The following COL1A1 variants were observed in gnomAD, a reference collection of about 807,000 sequenced individuals.
COL1A1 encodes the protein collagen alpha-1(I) chain.
In COL1A1, 21 loss-of-function variants were observed where a neutral mutation model predicts 195.7. That is an observed-to-expected ratio of 0.11 (90% CI 0.08 to 0.15). The LOEUF is 0.15. Among genes scored for constraint, COL1A1 ranks in the 10% least tolerant of loss-of-function variants. The pLI is 1.00. For missense variants in COL1A1, 1,365 were observed against 2,051.0 expected (o/e 0.67, Z 6.46); for synonymous variants, 749 against 747.3 (o/e 1.00, Z -0.04).
Position 50,194,802 on chromosome 17 carries a change from A to T in COL1A1, c.1380T>A (p.Pro460=), listed in dbSNP as rs1237735571. The change falls in exon 21 of 51, where the codon CCT becomes CCA. Residue 460 remains proline, a synonymous_variant. Transcript: ENST00000225964. This position sits in a 1 kb window ranked among gnomAD's most constrained non-coding sequence, Gnocchi z 6.8. ...GCTTTCCTTCCTCTCCAGCAGGGCC[A>T]GGGGGTCCTTGAACACCAACAGGGC... ...EPGPVGVQGP[P]GPAGEEGKRG... The T allele has an allele frequency of 9.5e-6, 15 of 1,571,072 alleles. No individual in the cohort carries two copies. The highest frequency in any genetic ancestry group is 1.8e-5 in the Admixed American group (1 of 54,058).
rs1031926243 is a variant in COL1A1, at chr17:50,185,199, G to A, written c.*303C>T. ...AACGGGCAGAAAGGGACTTACCCCCGCATGGGTCTTCAAGCAAGTGGACCA... is the reference window on the plus strand; with the variant it reads ...AACGGGCAGAAAGGGACTTACCCCCACATGGGTCTTCAAGCAAGTGGACCA... On this transcript the variant is annotated 3_prime_UTR_variant, in exon 51 of 51. Coordinates refer to ENST00000225964, the MANE Select transcript of COL1A1 (RefSeq NM_000088.4). 4.3e-5 allele frequency: 17 copies of A among 391,370 alleles called. 1 individual carries two copies. Among genetic ancestry groups the A allele is most frequent in the East Asian group, 2.3e-4 (5 of 22,212 alleles). The allele number at this position is 391,370 out of a possible 1,614,324, so 24.2% of individuals were successfully genotyped here.
rs1176014769 is a variant in COL1A1 at position 50,198,430 on chromosome 17, C to T, written c.543+3G>A. ...GTCATCCATGCTCCCCCTGCTGGCT[C>T]ACCATGGGGCCAGGCACGGAAATTC... On this transcript the variant is annotated splice_donor_region_variant and intron_variant, in intron 6 of 50. Coordinates refer to ENST00000225964, the MANE Select transcript of COL1A1 (RefSeq NM_000088.4). 9 of 1,613,150 alleles carry T rather than the reference C, an allele frequency of 5.6e-6. No homozygotes were observed. The highest frequency in any genetic ancestry group is 1.3e-5 in the African/African-American group (1 of 75,012).
intron 25 of COL1A1, 44 bp downstream of exon 25, chr17:50,193,899 T>G (rs1249428593): frequency 6.4e-7 from 1 of 1,551,104 alleles, no homozygotes; most frequent in Non-Finnish European, 8.9e-7. Flanking sequence ...AAGTCTCAGG[T>G]GTGTTTGTCC....
At position 50,189,661 on chromosome 17, in the gene COL1A1, T is replaced by G. The variant is rs754679129; in HGVS notation, c.2667+18A>C. Reference sequence around the variant, plus strand: ...GCACCCCCAACCTAGAGCAGTGGACTCTGCTGCAGAGACTTACAGAGGGGC... The same window carrying G: ...GCACCCCCAACCTAGAGCAGTGGACGCTGCTGCAGAGACTTACAGAGGGGC... On this transcript the variant is annotated intron_variant, in intron 38 of 50. Transcript: ENST00000225964. This position sits in a 1 kb window ranked among gnomAD's most constrained non-coding sequence, Gnocchi z 5.5. 6.8e-6 allele frequency: 11 copies of G among 1,612,674 alleles called. No homozygotes were observed. The highest frequency in any genetic ancestry group is 9.3e-6 in the Non-Finnish European group (11 of 1,179,524).
chr17:50,196,747 A>C (rs1215299970), intron 11 of COL1A1, 77 bp from the exon 12 acceptor site: 5 of 1,519,680 alleles, frequency 3.3e-6, no homozygotes, highest in Middle Eastern at 1.7e-4. Context: ...AGATCTGAGA[A>C]AGAGCCTTGG....
At position 50,194,024 on chromosome 17, in the gene COL1A1, A is replaced by T; in HGVS notation, c.1686T>A (p.Asp562Glu). ...KTGPPGPAGQ[D>E]GRPGPPGPPG... ...GTGGGCCTGGGGGTCCGGGGCGACC[A>T]TCTTGACCGGCGGGACCCTAAGGAT... The change falls in exon 25 of 51, where the codon GAT becomes GAA. Residue 562 changes from aspartate (D) to glutamate (E), a missense_variant. Asp to Glu is a conservative substitution (Grantham distance 45, BLOSUM62 2). Around this residue, in one of 5 missense-constraint regions of COL1A1, gnomAD observed 671 missense variants for 1,099.9 expected, o/e 0.61. Coordinates refer to ENST00000225964, the MANE Select transcript of COL1A1 (RefSeq NM_000088.4). This position sits in a 1 kb window ranked among gnomAD's most constrained non-coding sequence, Gnocchi z 6.8. 1.2e-6 allele frequency: 2 copies of T among 1,614,050 alleles called. No individual in the cohort carries two copies. The highest frequency in any genetic ancestry group is 2.7e-5 in the African/African-American group (2 of 75,006).
Position 50,189,003 on chromosome 17 carries a change from G to C in COL1A1, c.2945C>G (p.Pro982Arg). The C allele has an allele frequency of 3.1e-6, 5 of 1,612,996 alleles. 1 individual carries two copies. The South Asian group carries it at 5.5e-5, about 18-fold the overall frequency. Residue 982 changes from proline (P) to arginine (R), a missense_variant, in exon 41 of 51, where the codon CCT becomes CGT. Pro to Arg is a moderately radical substitution (Grantham distance 103, BLOSUM62 -2). Transcript: ENST00000225964. This position sits in a 1 kb window ranked among gnomAD's most constrained non-coding sequence, Gnocchi z 5.5. ...TGCTCCAGAGGGACCTTGTTTGCCA[G>C]GTTCACCCTAAGGGAGAAGAAAGAG... is the stretch of plus-strand genomic sequence containing the variant. ...FPGLPGPSGE[P>R]GKQGPSGASG... is the part of the protein sequence containing the mutation.
chr17:50,191,665 CT>C, intron 31 of COL1A1, 122 bp downstream of exon 31: 6 of 1,232,230 alleles, frequency 4.9e-6, no homozygotes, highest in Non-Finnish European at 5.8e-6. Flanking sequence ...CTGCCCTGGT[CT>C]TTTCCCCCCA....
rs752929501 is a variant in COL1A1 at position 50,189,454 on chromosome 17, G to A, written c.2752C>T (p.Arg918Cys). The A allele has an allele frequency of 1.2e-6, 2 of 1,613,024 alleles. No homozygotes were observed. The highest frequency in any genetic ancestry group is 1.7e-6 in the Non-Finnish European group (2 of 1,179,682). The change falls in exon 39 of 51, where the codon CGT (arginine) becomes TGT (cysteine). Residue 918 changes from arginine (R) to cysteine (C), a missense_variant. Physicochemically the swap from Arg to Cys is radical, Grantham distance 180 (BLOSUM62 -3). Around this residue, in one of 5 missense-constraint regions of COL1A1, gnomAD observed 671 missense variants for 1,099.9 expected, o/e 0.61. Coordinates refer to ENST00000225964, the MANE Select transcript of COL1A1 (RefSeq NM_000088.4). This position sits in a 1 kb window ranked among gnomAD's most constrained non-coding sequence, Gnocchi z 5.5. Reference protein sequence around the residue: ...GPRGETGPAGRPGEVGPPGPP... With the variant: ...GPRGETGPAGCPGEVGPPGPP... Reference sequence around the variant, plus strand: ...CCAGGGGGACCAACTTCACCAGGACGTCCAGCAGGGCCAGTCTCACCACGG... The same window carrying A: ...CCAGGGGGACCAACTTCACCAGGACATCCAGCAGGGCCAGTCTCACCACGG...
chr17:50,186,418 G>A lies in COL1A1; in HGVS notation c.3904C>T (p.Pro1302Ser), dbSNP rs756207463. 18 of 1,614,050 alleles carry A rather than the reference G, an allele frequency of 1.1e-5. No individual in the cohort carries two copies. The East Asian group carries it at 3.8e-4, about 34-fold the overall frequency. ...TTCTGGGCCACACTGGGCTGAGTGG[G>A]GTACACGCAGGTCTCACCAGTCTCC... ...NMETGETCVY[P>S]TQPSVAQKNW... The change falls in exon 49 of 51, where the codon CCC (proline) becomes TCC (serine). Residue 1302 changes from proline to serine, a missense_variant. Coordinates refer to ENST00000225964, the MANE Select transcript of COL1A1 (RefSeq NM_000088.4). This position sits in a 1 kb window ranked among gnomAD's most constrained non-coding sequence, Gnocchi z 5.3.
In COL1A1 at chr17:50,194,232, A is replaced by C. The variant is rs750831807; in HGVS notation, c.1615-49T>G. 2 of 1,594,152 alleles carry C rather than the reference A, an allele frequency of 1.3e-6. No homozygotes were observed. The highest frequency in any genetic ancestry group is 1.7e-6 in the Non-Finnish European group (2 of 1,163,758). On this transcript the variant is annotated intron_variant, in intron 23 of 50. Transcript: ENST00000225964. This position sits in a 1 kb window ranked among gnomAD's most constrained non-coding sequence, Gnocchi z 6.8. ...TGGGACTTGGGGAGAAGCATGATGGAGGTGGGGGAGGACTCCAGAGGGCAG... is the reference window on the plus strand; with the variant it reads ...TGGGACTTGGGGAGAAGCATGATGGCGGTGGGGGAGGACTCCAGAGGGCAG...
chr17:50,188,503 A>G lies in COL1A1; in HGVS notation c.3207+27T>C. ...TGAAGAGTCCCTGGCCTGACCAGGT[A>G]CAGGGAACTGGAGCCCAGCTACTTA... On this transcript the variant is annotated intron_variant, in intron 43 of 50. Coordinates refer to ENST00000225964, the MANE Select transcript of COL1A1 (RefSeq NM_000088.4). This position sits in a 1 kb window ranked among gnomAD's most constrained non-coding sequence, Gnocchi z 5.6. 6.3e-7 allele frequency: 1 copy of G among 1,597,836 alleles called. No homozygotes were observed. The highest frequency in any genetic ancestry group is 8.6e-7 in the Non-Finnish European group (1 of 1,165,272).
Position 50,185,146 on chromosome 17 carries a change from A to T in COL1A1, c.*356T>A, listed in dbSNP as rs1906365029. ...AGGGGGGTGTGGAGAAAGGAGCAGAAAGGGCAGCATTGGGGTTTCATAAGC... is the reference window on the plus strand; with the variant it reads ...AGGGGGGTGTGGAGAAAGGAGCAGATAGGGCAGCATTGGGGTTTCATAAGC... On this transcript the variant is annotated 3_prime_UTR_variant, in exon 51 of 51. Transcript: ENST00000225964. 1 of 319,056 alleles carries T rather than the reference A, an allele frequency of 3.1e-6. No individual in the cohort carries two copies. Among genetic ancestry groups the T allele is most frequent in the Non-Finnish European group, 5.8e-6 (1 of 171,262 alleles). The allele number at this position is 319,056 out of a possible 1,614,324, so 19.8% of individuals were successfully genotyped here.
At chr17:50,191,248 G>T (rs1203345498) in intron 32 of COL1A1, 135 bp downstream of exon 32, 12 of 892,320 alleles carry the variant, frequency 1.3e-5, no homozygotes, top group Admixed American at 3.8e-5. Context: ...AAAAAGGCCA[G>T]AGGGGAAAGG....
In COL1A1 at chr17:50,186,781, G is replaced by A; in HGVS notation, c.3673C>T (p.Arg1225Cys). Residue 1225 changes from arginine (R) to cysteine (C), a missense_variant, in exon 48 of 51, where the codon CGT (arginine) becomes TGT (cysteine). Transcript: ENST00000225964. This position sits in a 1 kb window ranked among gnomAD's most constrained non-coding sequence, Gnocchi z 5.3. ...YYRADDANVVRDRDLEVDTTL... is the reference protein window; with the variant it reads ...YYRADDANVVCDRDLEVDTTL... ...GTGTCCACCTCGAGGTCACGGTCACGAACCACATTGGCATCATCAGCCCGG... is the reference window on the plus strand; with the variant it reads ...GTGTCCACCTCGAGGTCACGGTCACAAACCACATTGGCATCATCAGCCCGG... 6.2e-7 allele frequency: 1 copy of A among 1,614,116 alleles called. No individual in the cohort carries two copies. Among genetic ancestry groups the A allele is most frequent in the South Asian group, 1.1e-5 (1 of 91,086 alleles).
rs1567755299 is a variant in COL1A1 at position 50,189,290 on chromosome 17, CAG to C, written c.2830-17_2830-16del. The C allele has an allele frequency of 1.2e-6, 2 of 1,613,952 alleles. No individual in the cohort carries two copies. ...CCAGGAGCACCCTTTGGGAGGCAAA[CAG>C]GGGTGAGGTGCCAGAGAGCAGCACA... On this transcript the variant is annotated splice_polypyrimidine_tract_variant and intron_variant, in intron 39 of 50. Transcript: ENST00000225964. The surrounding 1 kb of genome is among the most constrained non-coding windows in gnomAD (Gnocchi z 5.5).
At position 50,189,144 on chromosome 17, in the gene COL1A1, C is replaced by T. The variant is rs1294056830; in HGVS notation, c.2937+24G>A. The T allele has an allele frequency of 6.2e-7, 1 of 1,610,848 alleles. No homozygotes were observed. Among genetic ancestry groups the T allele is most frequent in the Admixed American group, 1.7e-5 (1 of 59,970 alleles). On this transcript the variant is annotated intron_variant, in intron 40 of 50. Transcript: ENST00000225964. This position sits in a 1 kb window ranked among gnomAD's most constrained non-coding sequence, Gnocchi z 5.5. ...TCCTGTGATGGTTTTTCTCAGGGCC[C>T]CCCAAGGTGAGGGGGGCACTTACAG...
rs940245064 is a variant in COL1A1, at chr17:50,190,655, T to C, written c.2344-59A>G. 11 of 1,586,092 alleles carry C rather than the reference T, an allele frequency of 6.9e-6. No individual in the cohort carries two copies. The African/African-American group carries it at 9.4e-5, about 14-fold the overall frequency. On this transcript the variant is annotated intron_variant, in intron 33 of 50. Transcript: ENST00000225964. This position sits in a 1 kb window ranked among gnomAD's most constrained non-coding sequence, Gnocchi z 4.7. Reference sequence around the variant, plus strand: ...GCCTCCCCTGAATACTCCTAGTAGATGACCCCAGGAGAGCCTCCCCTCCTT... The same window carrying C: ...GCCTCCCCTGAATACTCCTAGTAGACGACCCCAGGAGAGCCTCCCCTCCTT...
chr17:50,192,670 T>C lies in COL1A1; in HGVS notation c.1899A>G (p.Glu633=). The part of the protein sequence containing the change: ...GPAGPAGERG[E]QGPAGSPGFQ... ...ATCCGGGGGAGCCAGCAGGGCCTTG[T>C]TCACCTCTCTCGCCAGCGGGACCCT... Residue 633 remains glutamate (E), a synonymous_variant, in exon 28 of 51, where the codon GAA becomes GAG. Coordinates refer to ENST00000225964, the MANE Select transcript of COL1A1 (RefSeq NM_000088.4). 1.2e-6 allele frequency: 2 copies of C among 1,614,206 alleles called. No individual in the cohort carries two copies. The highest frequency in any genetic ancestry group is 1.7e-6 in the Non-Finnish European group (2 of 1,180,040).
Sources: allele counts gnomAD v4.1 joint callset, GRCh38; gene constraint gnomAD v4.1.1; regional missense constraint gnomAD v4.1.1; non-coding constraint Gnocchi (gnomAD v3.1); transcripts MANE v1.5; gene names NCBI Gene and HGNC (gene_info 2026-07-23, HGNC 2026-07-21).